Variants in IFIH1 observed in about 807,000 individuals in gnomAD.
The protein encoded by IFIH1 is interferon induced with helicase C domain 1.
IFIH1 carries 125 observed loss-of-function variants against 107.4 expected under a neutral mutation model. That is an observed-to-expected ratio of 1.16 (90% CI 1.01 to 1.35). The LOEUF is 1.35. Ranked by LOEUF, IFIH1 falls within the 40% of genes most tolerant of loss-of-function variation. The pLI, the probability that IFIH1 is intolerant of heterozygous loss-of-function variation, is 0.00. For missense variants in IFIH1, 1,333 were observed against 1,213.7 expected (o/e 1.10, Z -1.46); for synonymous variants, 458 against 413.2 (o/e 1.11, Z -1.31).
intron 13 of IFIH1, 150 bp from the exon 14 acceptor site, chr2:162,268,427 C>T (rs2105188162): frequency 1.8e-6 from 1 of 556,056 alleles, no homozygotes; most frequent in Non-Finnish European, 3.1e-6. Flanking sequence ...GGTAATGACC[C>T]CCCAAAGAAT....
Position 162,273,923 on chromosome 2 carries a change from T to C in IFIH1, c.2326A>G (p.Ser776Gly), listed in dbSNP as rs760242873. ...TTTATTTTTCCAGTGCGAAATTTAC[T>C]AATGACTTCTTTTTGTTCATTCTGT... ...MTQNEQKEVI[S>G]KFRTGKINLL... Residue 776 changes from serine to glycine, a missense_variant, in exon 12 of 16, where the codon AGT becomes GGT. Transcript: ENST00000649979. 1 of 1,604,902 alleles carries C rather than the reference T, an allele frequency of 6.2e-7. No homozygotes were observed. The highest frequency in any genetic ancestry group is 8.5e-7 in the Non-Finnish European group (1 of 1,173,276).
intron 1 of IFIH1, among the ~76,000 whole-genome samples, chr2:162,312,914 C>T (rs1173332871): frequency 1.3e-5 from 2 of 152,134 alleles, no homozygotes; most frequent in Non-Finnish European, 2.9e-5. Flanking sequence ...ACCAGTGAGG[C>T]AACAAATGCT....
intron 3 of IFIH1, among the ~76,000 whole-genome samples, chr2:162,306,069 G>A (rs1331165752): frequency 6.6e-6 from 1 of 152,190 alleles, no homozygotes; most frequent in Non-Finnish European, 1.5e-5. Flanking sequence ...TGTGAAAACA[G>A]AATAAGTCCT....
intron 4 of IFIH1, among the ~76,000 whole-genome samples, chr2:162,292,651 A>C (rs1375646009): frequency 1.3e-5 from 2 of 151,834 alleles, no homozygotes; most frequent in Non-Finnish European, 2.9e-5. Context: ...GAAACAACTC[A>C]ATCACAAATG....
rs1288428862 is a variant in IFIH1, at chr2:162,288,291, C to T, written c.939G>A (p.Met313Ile). 3 of 1,612,792 alleles carry T rather than the reference C, an allele frequency of 1.9e-6. No individual in the cohort carries two copies. The highest frequency in any genetic ancestry group is 2.5e-6 in the Non-Finnish European group (3 of 1,179,274). ...EPELQLRPYQMEVAQPALEGK... is the reference protein window; with the variant it reads ...EPELQLRPYQIEVAQPALEGK... ...CTTCCAAGGCTGGCTGGGCAACTTC[C>T]ATTTGGTAAGGCCTGAGCTGGAGTT... is the stretch of plus-strand genomic sequence containing the variant. The change falls in exon 5 of 16, where the codon ATG (methionine) becomes ATA (isoleucine). Residue 313 changes from methionine to isoleucine, a missense_variant. By Grantham distance (10) the Met-to-Ile change is conservative. Coordinates refer to ENST00000649979, the MANE Select transcript of IFIH1 (RefSeq NM_022168.4).
At chr2:162,279,309 T>C (rs1317713373) in intron 8 of IFIH1, among the ~76,000 whole-genome samples, 1 of 152,126 alleles carries the variant, frequency 6.6e-6, no homozygotes, top group East Asian at 1.9e-4. Context: ...TTGTTTTATC[T>C]ACTATGCATA....
Position 162,317,016 on chromosome 2 carries a change from G to GGTGTGT in IFIH1, c.453+833_453+838dup, listed in dbSNP as rs56835671. On this transcript the variant is annotated intron_variant, in intron 1 of 15. Coordinates refer to ENST00000649979, the MANE Select transcript of IFIH1 (RefSeq NM_022168.4). The stretch of plus-strand genomic sequence containing the variant: ...GTTGAAACTTTGATTAAAGAAAAAG[G>GGTGTGT]GTGTGTGTGTGTGTGTGTGTGTGTG... Among the ~76,000 whole-genome samples, 414 of 144,016 alleles carry GGTGTGT rather than the reference G, an allele frequency of 2.9e-3. 1 individual carries two copies. Among genetic ancestry groups the GGTGTGT allele is most frequent in the East Asian group, 0.017 (85 of 4,938 alleles). The allele number at this position is 144,016 out of a possible 152,430, so 94.5% of individuals were successfully genotyped here.
At chr2:162,277,082 T>C (rs1211219517) in intron 10 of IFIH1, 136 bp from the exon 11 acceptor site, 1 of 683,636 alleles carries the variant, frequency 1.5e-6, no homozygotes, top group Non-Finnish European at 2.3e-6. Flanking sequence ...AAAAACTATT[T>C]GGAAGTATAA....
In IFIH1 at chr2:162,318,064, C is replaced by T; in HGVS notation, c.244G>A (p.Ala82Thr). 1 of 1,614,164 alleles carries T rather than the reference C, an allele frequency of 6.2e-7. No individual in the cohort carries two copies. The highest frequency in any genetic ancestry group is 8.5e-7 in the Non-Finnish European group (1 of 1,180,032). Residue 82 changes from alanine to threonine, a missense_variant, in exon 1 of 16, where the codon GCC (alanine) becomes ACC (threonine). By Grantham distance (58) the Ala-to-Thr change is moderately conservative (BLOSUM62 0). Coordinates refer to ENST00000649979, the MANE Select transcript of IFIH1 (RefSeq NM_022168.4). Reference protein sequence around the residue: ...HLGWTREFVEALRRTGSPLAA... With the variant: ...HLGWTREFVETLRRTGSPLAA... ...AGAGGGCTGCCGGTTCTCCGGAGGGCCTCCACGAATTCCCGAGTCCAACCA... is the reference window on the plus strand; with the variant it reads ...AGAGGGCTGCCGGTTCTCCGGAGGGTCTCCACGAATTCCCGAGTCCAACCA...
At chr2:162,284,467 T>C (rs7567566) in intron 5 of IFIH1, among the ~76,000 whole-genome samples, 23,165 of 151,970 alleles carry the variant, frequency 0.15, 4,261 homozygotes, top group African/African-American at 0.42. Flanking sequence ...TAGAGGATGC[T>C]GTATTGTCAG....
rs753965202 is a variant in IFIH1, at chr2:162,276,734, G to A, written c.2257C>T (p.His753Tyr). The change falls in exon 11 of 16, where the codon CAT (histidine) becomes TAT (tyrosine). Residue 753 changes from histidine to tyrosine, a missense_variant. Transcript: ENST00000649979. ...KFAEVGVKAH[H>Y]LIGAGHSSEF... ...CTGCTGTGTCCAGCTCCAATCAGAT[G>A]GTGGGCTTTGACTCCTACTTCAGCA... 1 of 1,613,826 alleles carries A rather than the reference G, an allele frequency of 6.2e-7. No individual in the cohort carries two copies. The highest frequency in any genetic ancestry group is 8.5e-7 in the Non-Finnish European group (1 of 1,179,906).
At chr2:162,273,446 C>T (rs1426228311) in intron 12 of IFIH1, among the ~76,000 whole-genome samples, 1 of 152,124 alleles carries the variant, frequency 6.6e-6, no homozygotes, top group Non-Finnish European at 1.5e-5. Flanking sequence ...GGACAGTGTA[C>T]TTTAGATTCC....
At chr2:162,285,488 TA>T (rs750869594) in intron 5 of IFIH1, among the ~76,000 whole-genome samples, 8 of 151,958 alleles carry the variant, frequency 5.3e-5, no homozygotes, top group Non-Finnish European at 1.0e-4. Context: ...AAACTGAAAT[TA>T]ATTTAAAATT....
intron 4 of IFIH1, among the ~76,000 whole-genome samples, chr2:162,292,987 T>C (rs1683023807): frequency 1.3e-5 from 2 of 151,976 alleles, no homozygotes; most frequent in South Asian, 4.1e-4. Context: ...GAAGAGGCAC[T>C]CTCATTTATT....
chr2:162,304,280 G>A (rs944734181), intron 3 of IFIH1, among the ~76,000 whole-genome samples: 7 of 152,156 alleles, frequency 4.6e-5, no homozygotes, highest in Non-Finnish European at 1.0e-4. Context: ...TGACAACATG[G>A]TGAAACCCCA....
At chr2:162,301,918 G>T (rs1683200079) in intron 3 of IFIH1, among the ~76,000 whole-genome samples, 1 of 152,112 alleles carries the variant, frequency 6.6e-6, no homozygotes, top group African/African-American at 2.4e-5. Flanking sequence ...ATTTTGTTTA[G>T]AAATTGTTTT....
In IFIH1 at chr2:162,297,326, A is replaced by T. The variant is rs563934154; in HGVS notation, c.770-3658T>A. ...TCAGTCTGGATTTAAGTCCTAATGAATAAAGTCCTGCGTTTATGATTTTAT... is the reference window on the plus strand; with the variant it reads ...TCAGTCTGGATTTAAGTCCTAATGATTAAAGTCCTGCGTTTATGATTTTAT... On this transcript the variant is annotated intron_variant, in intron 3 of 15. Transcript: ENST00000649979. 2.1e-3 allele frequency among the ~76,000 whole-genome samples: 322 copies of T among 152,292 alleles called. 4 individuals are homozygous for T. The highest frequency in any genetic ancestry group is 6.6e-3 in the African/African-American group (276 of 41,576).
At chr2:162,267,732 A>G (rs1014119950) in intron 14 of IFIH1, among the ~76,000 whole-genome samples, 163 bp from the exon 15 acceptor site, 1 of 152,194 alleles carries the variant, frequency 6.6e-6, no homozygotes, top group Non-Finnish European at 1.5e-5. Flanking sequence ...AACTAAGGCA[A>G]TGCTTCTCTT....
At chr2:162,272,501 C>T in intron 12 of IFIH1, 114 bp from the exon 13 acceptor site, 1 of 846,374 alleles carries the variant, frequency 1.2e-6, no homozygotes. Flanking sequence ...GGTTGTTCAG[C>T]ATGCCAGTCT....
Sources: gnomAD v4.1 joint callset for allele counts (sites outside exome capture counted in the v4.1 genomes callset) on GRCh38, gnomAD v4.1.1 for gene constraint, MANE v1.5 for transcripts, NCBI Gene and HGNC (gene_info 2026-07-23, HGNC 2026-07-21) for gene names.